Variants in KYNU observed in about 807,000 individuals in gnomAD.
KYNU encodes kynureninase, also known as L-kynurenine hydrolase.
KYNU carries 54 observed loss-of-function variants against 59.2 expected under a neutral mutation model. That is an observed-to-expected ratio of 0.91 (90% CI 0.73 to 1.14). The LOEUF is 1.14. Among genes scored for constraint, KYNU ranks in the 50% most tolerant of loss-of-function variants. The pLI is 0.00. For missense variants in KYNU, 567 were observed against 554.4 expected (o/e 1.02, Z -0.23); for synonymous variants, 177 against 192.0 (o/e 0.92, Z 0.65).
At chr2:143,023,755 T>C (rs181852902) in intron 10 of KYNU, among the ~76,000 whole-genome samples, 2 of 151,664 alleles carry the variant, frequency 1.3e-5, no homozygotes, top group African/African-American at 4.8e-5. Flanking sequence ...AAAAGAAAAA[T>C]TTAAAACCTT....
chr2:142,907,447 G>T (rs1377971882), intron 2 of KYNU, among the ~76,000 whole-genome samples: 1 of 152,216 alleles, frequency 6.6e-6, no homozygotes, highest in African/African-American at 2.4e-5. Flanking sequence ...GCTGGATCAG[G>T]AGCACAACCT....
At chr2:142,972,454 G>T (rs1235699363) in intron 8 of KYNU, among the ~76,000 whole-genome samples, 1 of 152,118 alleles carries the variant, frequency 6.6e-6, no homozygotes, top group Non-Finnish European at 1.5e-5. Flanking sequence ...TAAGCAAGCA[G>T]AGATGAAACA....
intron 10 of KYNU, among the ~76,000 whole-genome samples, chr2:143,018,117 T>G (rs1686313395): frequency 6.6e-6 from 1 of 152,212 alleles, no homozygotes; most frequent in Non-Finnish European, 1.5e-5. Context: ...GATAGTTTCT[T>G]TTGCAGTGAA....
At chr2:142,932,660 G>C (rs907915899) in intron 4 of KYNU, among the ~76,000 whole-genome samples, 2 of 151,390 alleles carry the variant, frequency 1.3e-5, no homozygotes, top group South Asian at 2.1e-4. Flanking sequence ...ATGTTAATTT[G>C]TTGTCCGGCT....
chr2:143,021,073 C>T (rs927844844), intron 10 of KYNU, among the ~76,000 whole-genome samples: 11 of 152,080 alleles, frequency 7.2e-5, no homozygotes, highest in African/African-American at 2.7e-4. Context: ...TTAAGAACTA[C>T]TTGTTTTTCT....
intron 2 of KYNU, among the ~76,000 whole-genome samples, chr2:142,889,694 A>G (rs1445311263): frequency 2.6e-5 from 4 of 152,240 alleles, no homozygotes; most frequent in African/African-American, 9.6e-5. Flanking sequence ...TCAGGAAACC[A>G]GTGTTCCCTA....
intron 11 of KYNU, 43 bp from the exon 12 acceptor site, chr2:143,033,193 T>C (rs1380101557): frequency 2.2e-6 from 3 of 1,378,574 alleles, no homozygotes; most frequent in Admixed American, 3.3e-5. Context: ...TGGACACTTT[T>C]AAAGTTACCT....
intron 1 of KYNU, among the ~76,000 whole-genome samples, chr2:142,883,192 T>C (rs564893975): frequency 6.5e-4 from 80 of 122,668 alleles, no homozygotes; most frequent in Non-Finnish European, 6.6e-4. Flanking sequence ...ATTTCTTTTT[T>C]TTTTTTTTTT....
intron 8 of KYNU, among the ~76,000 whole-genome samples, chr2:142,962,876 T>C (rs1428966049): frequency 6.6e-6 from 1 of 152,182 alleles, no homozygotes; most frequent in Non-Finnish European, 1.5e-5. Flanking sequence ...GTCTCTCTGG[T>C]GGTCTGGTCA....
chr2:142,986,716 A>AG (rs1685212529), intron 10 of KYNU, among the ~76,000 whole-genome samples: 1 of 151,656 alleles, frequency 6.6e-6, no homozygotes, highest in Non-Finnish European at 1.5e-5. Context: ...TATGCTGGGA[A>AG]GAAAAAAAAA....
intron 10 of KYNU, among the ~76,000 whole-genome samples, chr2:143,014,617 C>T (rs1012703347): frequency 1.3e-5 from 2 of 151,938 alleles, no homozygotes; most frequent in African/African-American, 2.4e-5. Context: ...CTATATGCAC[C>T]GTTTGGTGTT....
intron 10 of KYNU, among the ~76,000 whole-genome samples, chr2:142,993,922 C>T (rs1440827799): frequency 6.6e-6 from 1 of 151,950 alleles, no homozygotes; most frequent in Non-Finnish European, 1.5e-5. Context: ...GAAACCTAAA[C>T]ATTTATTTTC....
At position 142,956,222 on chromosome 2, in the gene KYNU, C is replaced by A. The variant is rs146601376; in HGVS notation, c.455C>A (p.Thr152Lys). The A allele has an allele frequency of 4.4e-6, 7 of 1,597,968 alleles. No homozygotes were observed. The highest frequency in any genetic ancestry group is 1.3e-5 in the African/African-American group (1 of 74,664). The change falls in exon 6 of 14, where the codon ACG becomes AAG. Residue 152 changes from threonine (T) to lysine (K), a missense_variant. Physicochemically the swap from Thr to Lys is moderately conservative, Grantham distance 78. Transcript: ENST00000264170. Reference sequence around the variant, plus strand: ...TTGCAGTTATCATTTTTTAAGCCTACGCCAAAACGATATAAAATTCTTCTA... The same window carrying A: ...TTGCAGTTATCATTTTTTAAGCCTAAGCCAAAACGATATAAAATTCTTCTA... ...HLLMLSFFKP[T>K]PKRYKILLEA...
intron 10 of KYNU, among the ~76,000 whole-genome samples, chr2:142,992,764 A>C (rs1685439276): frequency 1.3e-5 from 2 of 152,080 alleles, no homozygotes; most frequent in Non-Finnish European, 2.9e-5. Flanking sequence ...TTTATTAAAG[A>C]GACATGAACA....
At chr2:142,993,599 T>C (rs982831447) in intron 10 of KYNU, among the ~76,000 whole-genome samples, 4 of 152,000 alleles carry the variant, frequency 2.6e-5, no homozygotes, top group African/African-American at 9.7e-5. Context: ...TTTTAAAGGA[T>C]TTTTTTAAAA....
rs796674842 is a variant in KYNU at position 143,050,349 on chromosome 2, G to C, written c.*8177G>C. 52 of 151,846 alleles carry C rather than the reference G, an allele frequency of 3.4e-4. No homozygotes were observed. Among genetic ancestry groups the C allele is most frequent in the African/African-American group, 1.2e-3 (51 of 41,394 alleles). 9.4% of individuals were successfully genotyped at this position (151,846 alleles called of 1,614,324 possible). ...CCTGGTGTGTGTTGTTCCCCTCTCT[G>C]TGTCCATGTATTCTCGCCTCCCACT... is the stretch of plus-strand genomic sequence containing the variant. On this transcript the variant is annotated 3_prime_UTR_variant, in exon 14 of 14. Transcript: ENST00000264170.
intron 3 of KYNU, among the ~76,000 whole-genome samples, chr2:142,927,449 A>G (rs1683079979): frequency 9.1e-6 from 1 of 109,968 alleles, no homozygotes; most frequent in African/African-American, 3.9e-5. Flanking sequence ...ATTCCTCACA[A>G]AAAGAAAATA....
intron 11 of KYNU, among the ~76,000 whole-genome samples, chr2:143,032,658 T>A (rs1392581671): frequency 6.6e-6 from 1 of 152,018 alleles, no homozygotes; most frequent in Non-Finnish European, 1.5e-5. Flanking sequence ...CATCTGTTAT[T>A]AATTTACCTT....
chr2:142,938,150 A>C (rs1485868573), intron 4 of KYNU, among the ~76,000 whole-genome samples: 2 of 152,210 alleles, frequency 1.3e-5, no homozygotes, highest in Non-Finnish European at 2.9e-5. Flanking sequence ...TGTTTCCTTG[A>C]AGTCTTATTT....
Sources: gnomAD v4.1 joint callset for allele counts (sites outside exome capture counted in the v4.1 genomes callset) on GRCh38, gnomAD v4.1.1 for gene constraint, MANE v1.5 for transcripts, NCBI Gene and HGNC (gene_info 2026-07-23, HGNC 2026-07-21) for gene names.